CYP4F22: variants seen among roughly 807,000 people sequenced by gnomAD.
The protein encoded by CYP4F22 is cytochrome P450 family 4 subfamily F member 22.
A neutral mutation model predicts 60.4 loss-of-function variants in CYP4F22; 37 were observed. That is an observed-to-expected ratio of 0.61 (90% CI 0.47 to 0.81). CYP4F22 has a LOEUF of 0.81. CYP4F22 is among the 30% of genes least tolerant of loss of function. The pLI, the probability that CYP4F22 is intolerant of heterozygous loss-of-function variation, is 0.00. For missense variants in CYP4F22, 655 were observed against 715.0 expected, an observed-to-expected ratio of 0.92 and a Z score of 0.96; for synonymous variants, 258 against 280.5, an observed-to-expected ratio of 0.92 and a Z score of 0.80.
intron 3 of CYP4F22, among the ~76,000 whole-genome samples, chr19:15,527,624 C>G (rs147230539): frequency 3.9e-5 from 6 of 152,316 alleles, no homozygotes; most frequent in African/African-American, 1.2e-4. Flanking sequence ...AGCTCCTGGG[C>G]CCACGGGGGC....
intron 13 of CYP4F22, 139 bp downstream of exon 13, chr19:15,550,895 G>A: frequency 2.0e-6 from 2 of 984,978 alleles, no homozygotes; most frequent in East Asian, 2.5e-5. Context: ...TCTCCCCAAT[G>A]CGCCAGGAGG....
intron 10 of CYP4F22, among the ~76,000 whole-genome samples, chr19:15,545,918 C>T (rs1340429692): frequency 6.6e-6 from 1 of 152,104 alleles, no homozygotes; most frequent in African/African-American, 2.4e-5. Flanking sequence ...TAATAACACA[C>T]TACTGCTTTC....
rs373700050 is a variant in CYP4F22 at position 15,510,187 on chromosome 19, G to T, written c.-109+1604G>T. ...GGTAGGGATGGGGTTTCACCATGTT[G>T]CCCAGGCTGGTCTTGAACTCTTGGG... On this transcript the variant is annotated intron_variant, in intron 1 of 13. Transcript: ENST00000269703. Among the ~76,000 whole-genome samples, 903 of 151,928 alleles carry T rather than the reference G, an allele frequency of 5.9e-3. 9 individuals carry two copies. The highest frequency in any genetic ancestry group is 0.02 in the African/African-American group (834 of 41,464).
At chr19:15,551,173 G>A (rs1050067285) in intron 13 of CYP4F22, 121 bp from the exon 14 acceptor site, 12 of 1,313,046 alleles carry the variant, frequency 9.1e-6, no homozygotes, top group African/African-American at 1.5e-5. Flanking sequence ...CCAGCGTGGG[G>A]TTTCACTTTA....
intron 7 of CYP4F22, 120 bp downstream of exon 7, chr19:15,538,113 G>C: frequency 7.2e-7 from 1 of 1,387,918 alleles, no homozygotes; most frequent in Non-Finnish European, 1.0e-6. Context: ...GCCACGGATG[G>C]GCCATGTGCT....
chr19:15,514,283 T>C (rs1971128340), intron 1 of CYP4F22, among the ~76,000 whole-genome samples: 1 of 152,200 alleles, frequency 6.6e-6, no homozygotes, highest in Non-Finnish European at 1.5e-5. Context: ...TCTAACTACA[T>C]ACACGTGGAT....
At chr19:15,522,508 C>G (rs1013652540) in intron 1 of CYP4F22, among the ~76,000 whole-genome samples, 1 of 151,894 alleles carries the variant, frequency 6.6e-6, no homozygotes, top group Non-Finnish European at 1.5e-5. Context: ...GACTCTGTCT[C>G]TACAGAAAAT....
At chr19:15,525,618 A>T in intron 3 of CYP4F22, 60 bp downstream of exon 3, 1 of 1,524,440 alleles carries the variant, frequency 6.6e-7, no homozygotes, top group Non-Finnish European at 8.9e-7. Context: ...GGTAATAGGT[A>T]GGGATGGTGG....
chr19:15,551,731 G>A lies in CYP4F22; in HGVS notation c.*260G>A, dbSNP rs1971600952. ...CTTCTCGCACCTGTCCTGTTTGAGG[G>A]ACCAGGGTCGACCCTGCCCCCTTGG... On this transcript the variant is annotated 3_prime_UTR_variant, in exon 14 of 14. Coordinates refer to ENST00000269703, the MANE Select transcript of CYP4F22 (RefSeq NM_173483.4). 1.7e-6 allele frequency: 1 copy of A among 578,152 alleles called. No homozygotes were observed. Among genetic ancestry groups the A allele is most frequent in the Non-Finnish European group, 3.1e-6 (1 of 324,818 alleles). The allele number at this position is 578,152 out of a possible 1,614,324, so 35.8% of individuals were successfully genotyped here. A position where few individuals can be genotyped will look rare whatever the true frequency, so the allele number is the denominator to read the frequency against.
intron 4 of CYP4F22, among the ~76,000 whole-genome samples, chr19:15,536,956 G>A (rs959213563): frequency 6.6e-5 from 10 of 152,158 alleles, no homozygotes; most frequent in African/African-American, 1.4e-4. Flanking sequence ...GGAGGTTGGA[G>A]CCCAGTGAGG....
At chr19:15,510,944 C>CTATATATATATATATA (rs1971081787) in intron 1 of CYP4F22, among the ~76,000 whole-genome samples, 2 of 114,818 alleles carry the variant, frequency 1.7e-5, no homozygotes, top group African/African-American at 6.9e-5. Context: ...TATAGGGATA[C>CTATATATATATATATA]CATATATATA....
Position 15,552,249 on chromosome 19 carries a change from A to C in CYP4F22, c.*778A>C, listed in dbSNP as rs1266245131. ...ATGGGAATGAGGGGCTCTGCAACTGAGCGAAGCTGCGGGCTAGGAGGCTGG... is the reference window on the plus strand; with the variant it reads ...ATGGGAATGAGGGGCTCTGCAACTGCGCGAAGCTGCGGGCTAGGAGGCTGG... On this transcript the variant is annotated 3_prime_UTR_variant, in exon 14 of 14. Coordinates refer to ENST00000269703, the MANE Select transcript of CYP4F22 (RefSeq NM_173483.4). 1.3e-5 allele frequency: 2 copies of C among 152,216 alleles called. No individual in the cohort carries two copies. Among genetic ancestry groups the C allele is most frequent in the Admixed American group, 6.5e-5 (1 of 15,278 alleles). 9.4% of individuals were successfully genotyped at this position (152,216 alleles called of 1,614,324 possible).
chr19:15,522,879 T>A (rs1971241364), intron 1 of CYP4F22, among the ~76,000 whole-genome samples: 1 of 151,714 alleles, frequency 6.6e-6, no homozygotes, highest in African/African-American at 2.4e-5. Flanking sequence ...CCCGGCTGAT[T>A]TTTGTATTTT....
chr19:15,551,643 G>A lies in CYP4F22; in HGVS notation c.*172G>A. On this transcript the variant is annotated 3_prime_UTR_variant, in exon 14 of 14. Transcript: ENST00000269703. ...TGGTGGTACTGGCCACGCCCCTCAA[G>A]GCAAGGCTCCTCCCCTTAGGGGGCC... 1 of 840,414 alleles carries A rather than the reference G, an allele frequency of 1.2e-6. No individual in the cohort carries two copies. The highest frequency in any genetic ancestry group is 1.8e-6 in the Non-Finnish European group (1 of 554,802). The allele number at this position is 840,414 out of a possible 1,614,324, so 52.1% of individuals were successfully genotyped here.
At chr19:15,534,127 G>C in intron 4 of CYP4F22, among the ~76,000 whole-genome samples, 1 of 152,244 alleles carries the variant, frequency 6.6e-6, no homozygotes, top group South Asian at 2.1e-4. Context: ...TTTAACCATA[G>C]TAATAAAAAT....
intron 1 of CYP4F22, among the ~76,000 whole-genome samples, chr19:15,520,852 C>T (rs890384279): frequency 1.3e-5 from 2 of 151,874 alleles, no homozygotes; most frequent in East Asian, 3.9e-4. Flanking sequence ...ACTGCAACCT[C>T]CGCCTCCTGG....
At chr19:15,521,071 T>C (rs559349085) in intron 1 of CYP4F22, among the ~76,000 whole-genome samples, 2 of 152,134 alleles carry the variant, frequency 1.3e-5, no homozygotes, top group African/African-American at 2.4e-5. Flanking sequence ...CCAGCTGTGA[T>C]TGGCTTATTT....
chr19:15,524,176 T>C (rs1971255052), intron 2 of CYP4F22, among the ~76,000 whole-genome samples: 1 of 152,076 alleles, frequency 6.6e-6, no homozygotes, highest in Non-Finnish European at 1.5e-5. Flanking sequence ...AAAAACAGGA[T>C]GCCGAGTGAA....
At chr19:15,522,622 G>A (rs1302466233) in intron 1 of CYP4F22, among the ~76,000 whole-genome samples, 1 of 152,170 alleles carries the variant, frequency 6.6e-6, no homozygotes, top group East Asian at 1.9e-4. Context: ...GCTGCATTGA[G>A]CCGTGATAGT....
Sources: allele counts gnomAD v4.1 joint callset (sites outside exome capture counted in the v4.1 genomes callset), GRCh38; gene constraint gnomAD v4.1.1; transcripts MANE v1.5; gene names NCBI Gene and HGNC (gene_info 2026-07-23, HGNC 2026-07-21).